SIPA1L1: variants seen among roughly 807,000 people sequenced by gnomAD.
SIPA1L1 encodes the protein signal-induced proliferation-associated 1-like protein 1.
A neutral mutation model predicts 162.7 loss-of-function variants in SIPA1L1; 26 were observed. The observed-to-expected ratio is 0.16, with a 90% CI of 0.12 to 0.22. The LOEUF is 0.22. SIPA1L1 is among the 10% of genes least tolerant of loss of function. SIPA1L1 has a pLI of 1.00. For synonymous variants in SIPA1L1, 829 were observed against 837.4 expected (o/e 0.99, Z 0.17); for missense variants, 1,874 against 2,241.0 (o/e 0.84, Z 3.31).
At position 71,732,824 on chromosome 14, in the gene SIPA1L1, C is replaced by A. The variant is rs573247866; in HGVS notation, c.4862-842C>A. ...GATGTGCCCCTCACACCCCCTTGGA[C>A]ACCTTTGACCATGGAACCCAGTGGG... is the stretch of plus-strand genomic sequence containing the variant. On this transcript the variant is annotated intron_variant, in intron 20 of 23. Transcript: ENST00000381232. 3.3e-3 allele frequency among the ~76,000 whole-genome samples: 502 copies of A among 152,320 alleles called. 3 individuals carry two copies. Among genetic ancestry groups the A allele is most frequent in the African/African-American group, 0.011 (460 of 41,576 alleles).
chr14:71,571,709 T>A (rs1207620572), intron 4 of SIPA1L1, among the ~76,000 whole-genome samples: 1 of 152,036 alleles, frequency 6.6e-6, no homozygotes, highest in Admixed American at 6.5e-5. Context: ...TGGCACAATC[T>A]CGGCTCACTA....
At chr14:71,577,512 G>T (rs937068724) in intron 4 of SIPA1L1, among the ~76,000 whole-genome samples, 1 of 151,942 alleles carries the variant, frequency 6.6e-6, no homozygotes, top group African/African-American at 2.4e-5. Flanking sequence ...AAGTAGCTGG[G>T]ATTACAGGCA....
chr14:71,568,457 T>C (rs938369461), intron 4 of SIPA1L1, among the ~76,000 whole-genome samples: 5 of 152,150 alleles, frequency 3.3e-5, no homozygotes, highest in African/African-American at 1.2e-4. Flanking sequence ...AAAGGTGGTA[T>C]CCAGAGTTGA....
chr14:71,565,863 C>G (rs1462788920), intron 4 of SIPA1L1, among the ~76,000 whole-genome samples: 1 of 151,958 alleles, frequency 6.6e-6, no homozygotes, highest in African/African-American at 2.4e-5. Context: ...TTCTATTTTT[C>G]CATATTCCTC....
chr14:71,457,918 G>A (rs2046308066), intron 2 of SIPA1L1, among the ~76,000 whole-genome samples: 1 of 152,024 alleles, frequency 6.6e-6, no homozygotes, highest in South Asian at 2.1e-4. Flanking sequence ...TTAAGTTGTA[G>A]GAGTTCCTTA....
chr14:71,397,691 C>T (rs2041320295), intron 2 of SIPA1L1, among the ~76,000 whole-genome samples: 1 of 152,198 alleles, frequency 6.6e-6, no homozygotes, highest in African/African-American at 2.4e-5. Context: ...CAGTCTCTCT[C>T]CTTGCCCTTC....
intron 13 of SIPA1L1, among the ~76,000 whole-genome samples, chr14:71,693,722 CTTTTT>C (rs377621033): frequency 7.2e-6 from 1 of 139,362 alleles, no homozygotes; most frequent in Non-Finnish European, 1.6e-5. Context: ...TTTTTCTTTT[CTTTTT>C]TTTTTTTTTT....
intron 2 of SIPA1L1, among the ~76,000 whole-genome samples, chr14:71,358,128 C>T (rs1037655025): frequency 6.6e-6 from 1 of 152,042 alleles, no homozygotes; most frequent in African/African-American, 2.4e-5. Flanking sequence ...TCCCAAAGTG[C>T]TGGGATTACA....
At chr14:71,612,750 A>G (rs1478818932) in intron 5 of SIPA1L1, among the ~76,000 whole-genome samples, 1 of 152,234 alleles carries the variant, frequency 6.6e-6, no homozygotes, top group Non-Finnish European at 1.5e-5. Flanking sequence ...ACATGCTTAT[A>G]TATCTTATAA....
chr14:71,603,330 A>T (rs2037021964), intron 5 of SIPA1L1, among the ~76,000 whole-genome samples: 2 of 152,224 alleles, frequency 1.3e-5, no homozygotes, highest in South Asian at 4.1e-4. Flanking sequence ...TGGAAAATGT[A>T]ATCTATTTAC....
chr14:71,596,625 A>T (rs2036065151), intron 5 of SIPA1L1, among the ~76,000 whole-genome samples: 1 of 152,182 alleles, frequency 6.6e-6, no homozygotes, highest in Non-Finnish European at 1.5e-5. Flanking sequence ...TTTGTGCCAG[A>T]TACAGTGTCT....
At chr14:71,490,454 GACTA>G (rs199741305) in intron 2 of SIPA1L1, among the ~76,000 whole-genome samples, 2,018 of 152,142 alleles carry the variant, frequency 0.013, 41 homozygotes, top group Admixed American at 0.054. Context: ...ATTATTTTGT[GACTA>G]ACTGTGTCTA....
intron 2 of SIPA1L1, among the ~76,000 whole-genome samples, chr14:71,375,901 C>G (rs147003912): frequency 1.5e-3 from 233 of 152,158 alleles, no homozygotes; most frequent in Middle Eastern, 6.8e-3. Flanking sequence ...ACCAAAAATG[C>G]ATTATTGTGA....
At chr14:71,586,923 G>A (rs938834085) in intron 4 of SIPA1L1, 2 of 152,070 alleles carry the variant, frequency 1.3e-5, no homozygotes, top group African/African-American at 2.4e-5. Context: ...CAATATCCTC[G>A]TCTCGGTAAG....
intron 4 of SIPA1L1, among the ~76,000 whole-genome samples, chr14:71,572,447 T>C (rs1454059237): frequency 2.6e-5 from 4 of 152,222 alleles, no homozygotes; most frequent in Non-Finnish European, 5.9e-5. Context: ...CTTAGGCAGT[T>C]ACTAAATGAA....
At chr14:71,561,619 C>T (rs541213221) in intron 4 of SIPA1L1, among the ~76,000 whole-genome samples, 41 of 152,326 alleles carry the variant, frequency 2.7e-4, no homozygotes, top group Non-Finnish European at 4.4e-4. Context: ...GTTTCATTCA[C>T]TCTTGTTGCC....
chr14:71,332,193 G>A (rs769510781), intron 2 of SIPA1L1, among the ~76,000 whole-genome samples: 5 of 152,152 alleles, frequency 3.3e-5, no homozygotes, highest in Non-Finnish European at 5.9e-5. Context: ...GCATAGGTGG[G>A]TCTCTAAGGA....
intron 15 of SIPA1L1, chr14:71,704,657 AGTCCAAAAG>A (rs2082318514): frequency 1.7e-6 from 2 of 1,204,578 alleles, no homozygotes; most frequent in Non-Finnish European, 2.5e-6. Flanking sequence ...GCCAGCTTGG[AGTCCAAAAG>A]GAAGCAATTG....
At chr14:71,427,966 T>A (rs1413080813) in intron 2 of SIPA1L1, among the ~76,000 whole-genome samples, 1 of 152,080 alleles carries the variant, frequency 6.6e-6, no homozygotes, top group Non-Finnish European at 1.5e-5. Flanking sequence ...GTGATTTTGT[T>A]GTTGTTGTTG....
Sources: gnomAD v4.1 joint callset for allele counts (sites outside exome capture counted in the v4.1 genomes callset) on GRCh38, gnomAD v4.1.1 for gene constraint, MANE v1.5 for transcripts, NCBI Gene and HGNC (gene_info 2026-07-23, HGNC 2026-07-21) for gene names.